DGKI: variants seen among roughly 807,000 people sequenced by gnomAD.
DGKI encodes diacylglycerol kinase iota.
Under a neutral mutation model 147.5 loss-of-function variants are expected in DGKI, and 55 were observed. The ratio of observed to expected loss-of-function variants is 0.37; its 90% CI spans 0.30 to 0.47. DGKI has a LOEUF of 0.47. DGKI is among the 20% of genes least tolerant of loss of function. DGKI has a pLI of 1.00. For synonymous variants in DGKI, 469 were observed against 477.1 expected, an observed-to-expected ratio of 0.98 and a Z score of 0.22; for missense variants, 1,007 against 1,323.8, an observed-to-expected ratio of 0.76 and a Z score of 3.71.
chr7:137,426,918 C>A (rs1360449263), intron 28 of DGKI, among the ~76,000 whole-genome samples: 1 of 151,932 alleles, frequency 6.6e-6, no homozygotes, highest in African/African-American at 2.4e-5. Context: ...GAGTGACCTA[C>A]AAAGAGACTT....
intron 8 of DGKI, among the ~76,000 whole-genome samples, chr7:137,614,989 C>A (rs1029838811): frequency 6.6e-6 from 1 of 152,062 alleles, no homozygotes; most frequent in African/African-American, 2.4e-5. Flanking sequence ...TTAAGGCCTA[C>A]CACAAATGGC....
chr7:137,632,314 A>G (rs1821148433), intron 6 of DGKI, among the ~76,000 whole-genome samples: 1 of 152,226 alleles, frequency 6.6e-6, no homozygotes, highest in African/African-American at 2.4e-5. Flanking sequence ...CTAGTTTTCA[A>G]AGACAGAATC....
chr7:137,547,884 G>A (rs1158774861), intron 20 of DGKI, among the ~76,000 whole-genome samples: 6 of 152,172 alleles, frequency 3.9e-5, no homozygotes, highest in Non-Finnish European at 7.4e-5. Context: ...AGCTGTGAGC[G>A]AGGAGTTAGC....
chr7:137,404,307 C>T (rs549439609), intron 30 of DGKI, among the ~76,000 whole-genome samples: 7 of 152,116 alleles, frequency 4.6e-5, no homozygotes, highest in Non-Finnish European at 1.0e-4. Context: ...GTGAATTAGG[C>T]TATATCAAAT....
intron 1 of DGKI, among the ~76,000 whole-genome samples, chr7:137,740,659 A>C (rs1369601022): frequency 6.6e-6 from 1 of 152,226 alleles, no homozygotes; most frequent in African/African-American, 2.4e-5. Context: ...ACAACTAAGC[A>C]ACATGCTTGG....
rs1447764151 is a variant in DGKI at position 137,842,727 on chromosome 7, A to C, written c.401+3735T>G. Among the ~76,000 whole-genome samples the C allele has an allele frequency of 3.3e-5, 5 of 152,332 alleles. No individual in the cohort carries two copies. The East Asian group carries it at 7.7e-4, about 23-fold the overall frequency. On this transcript the variant is annotated intron_variant, in intron 1 of 32. Transcript: ENST00000614521. ...GCATGTAGGTGGTTTTGTTCTCAGA[A>C]GCAAAACTGATATATTTGCAATCAT...
At chr7:137,839,929 G>A (rs189348061) in intron 1 of DGKI, among the ~76,000 whole-genome samples, 1 of 152,272 alleles carries the variant, frequency 6.6e-6, no homozygotes, top group East Asian at 1.9e-4. Flanking sequence ...AATGCTGTTT[G>A]CTTTATTTCA....
chr7:137,581,636 C>T (rs1819196573), intron 15 of DGKI, among the ~76,000 whole-genome samples: 1 of 151,998 alleles, frequency 6.6e-6, no homozygotes, highest in Admixed American at 6.6e-5. Flanking sequence ...ACAACTAGGT[C>T]TCAGGGTCCC....
chr7:137,425,557 T>C (rs1279916224), intron 28 of DGKI, among the ~76,000 whole-genome samples: 1 of 152,170 alleles, frequency 6.6e-6, no homozygotes, highest in Non-Finnish European at 1.5e-5. Flanking sequence ...GAGAATGACT[T>C]TGACGAGTTG....
In DGKI at chr7:137,390,988, C is replaced by T. The variant is rs995988280; in HGVS notation, c.*232G>A. The T allele has an allele frequency of 3.8e-6, 2 of 521,892 alleles. No homozygotes were observed. The highest frequency in any genetic ancestry group is 4.0e-5 in the African/African-American group (2 of 50,582). 32.3% of individuals were successfully genotyped at this position (521,892 alleles called of 1,614,324 possible). The stretch of plus-strand genomic sequence containing the variant: ...GCAATAAGGATCAAATTTTGTGGAA[C>T]TCGTACTGTATTCCACAAATCTCCA... On this transcript the variant is annotated 3_prime_UTR_variant, in exon 33 of 33. Coordinates refer to ENST00000614521, the MANE Select transcript of DGKI (RefSeq NM_001321708.2).
At chr7:137,748,749 C>G (rs947645557) in intron 1 of DGKI, among the ~76,000 whole-genome samples, 3 of 152,140 alleles carry the variant, frequency 2.0e-5, no homozygotes, top group Non-Finnish European at 2.9e-5. Flanking sequence ...CCAAACATAT[C>G]CCATCACACA....
chr7:137,827,381 T>A (rs1185973846), intron 1 of DGKI, among the ~76,000 whole-genome samples: 2 of 152,146 alleles, frequency 1.3e-5, no homozygotes, highest in Non-Finnish European at 2.9e-5. Flanking sequence ...TTCCACTCTA[T>A]CCTTATGCTC....
At chr7:137,490,313 A>G (rs1385513637) in intron 21 of DGKI, among the ~76,000 whole-genome samples, 1 of 152,210 alleles carries the variant, frequency 6.6e-6, no homozygotes, top group Admixed American at 6.5e-5. Flanking sequence ...TTTAAAGACT[A>G]CGGTGTTTAG....
intron 6 of DGKI, among the ~76,000 whole-genome samples, chr7:137,634,514 T>C (rs1049772632): frequency 4.6e-5 from 7 of 152,214 alleles, no homozygotes; most frequent in Admixed American, 1.3e-4. Flanking sequence ...TCAGGTGTCA[T>C]GAGCTGAGTT....
At position 137,384,305 on chromosome 7, in the gene DGKI, T is replaced by C. The variant is rs890977441; in HGVS notation, c.*6915A>G. On this transcript the variant is annotated 3_prime_UTR_variant, in exon 33 of 33. Transcript: ENST00000614521. Reference sequence around the variant, plus strand: ...TTCTTTGCTTGAACTATGTACAAGCTGACAAGCCTCTCTCCGACAGCAAAA... The same window carrying C: ...TTCTTTGCTTGAACTATGTACAAGCCGACAAGCCTCTCTCCGACAGCAAAA... The C allele has an allele frequency of 6.6e-6, 1 of 152,010 alleles. No homozygotes were observed. Among genetic ancestry groups the C allele is most frequent in the African/African-American group, 2.4e-5 (1 of 41,430 alleles). 9.4% of individuals were successfully genotyped at this position (152,010 alleles called of 1,614,324 possible).
intron 23 of DGKI, among the ~76,000 whole-genome samples, chr7:137,471,944 C>A (rs9655902): frequency 0.098 from 13,436 of 137,102 alleles, 672 homozygotes; most frequent in African/African-American, 0.12. Flanking sequence ...ATAATATATA[C>A]ACATGTATAT....
At chr7:137,612,677 C>T (rs1258145834) in intron 8 of DGKI, among the ~76,000 whole-genome samples, 10 of 151,998 alleles carry the variant, frequency 6.6e-5, no homozygotes, top group South Asian at 2.1e-4. Flanking sequence ...GCACGCTTTT[C>T]GAGAATGTTA....
At chr7:137,438,231 G>C (rs1813356274) in intron 28 of DGKI, among the ~76,000 whole-genome samples, 2 of 151,898 alleles carry the variant, frequency 1.3e-5, no homozygotes, top group South Asian at 2.1e-4. Flanking sequence ...TCATTAAGAA[G>C]AACACAACCA....
intron 27 of DGKI, among the ~76,000 whole-genome samples, chr7:137,453,729 G>A (rs1814068733): frequency 6.6e-6 from 1 of 152,106 alleles, no homozygotes; most frequent in Admixed American, 6.6e-5. Flanking sequence ...AAAGGAAGAA[G>A]ACAGAGATGA....
Sources: allele counts gnomAD v4.1 joint callset (sites outside exome capture counted in the v4.1 genomes callset), GRCh38; gene constraint gnomAD v4.1.1; transcripts MANE v1.5; gene names NCBI Gene and HGNC (gene_info 2026-07-23, HGNC 2026-07-21).